The following DOCK1 variants were observed in gnomAD, a reference collection of about 807,000 sequenced individuals.
DOCK1 encodes dedicator of cytokinesis protein 1.
A neutral mutation model predicts 262.7 loss-of-function variants in DOCK1; 138 were observed. That is an observed-to-expected ratio of 0.53 (90% CI 0.46 to 0.61). DOCK1 has a LOEUF of 0.61. Ranked by LOEUF, DOCK1 falls within the 20% of genes least tolerant of loss-of-function variation. The pLI is 0.00. For missense variants in DOCK1, 1,908 were observed against 2,370.7 expected (o/e 0.80, Z 4.05); for synonymous variants, 866 against 867.4 (o/e 1.00, Z 0.03).
intron 27 of DOCK1, among the ~76,000 whole-genome samples, chr10:127,229,841 C>G (rs1434620508): frequency 6.6e-6 from 1 of 152,186 alleles, no homozygotes; most frequent in African/African-American, 2.4e-5. Flanking sequence ...CAAATTTACA[C>G]TCCCATCCAC....
intron 27 of DOCK1, among the ~76,000 whole-genome samples, chr10:127,169,955 T>C (rs988702446): frequency 1.3e-5 from 2 of 152,126 alleles, no homozygotes; most frequent in African/African-American, 2.4e-5. Flanking sequence ...AACACCACCG[T>C]AAGCGGCACC....
At chr10:127,058,026 G>T (rs1409294110) in intron 22 of DOCK1, among the ~76,000 whole-genome samples, 3 of 152,228 alleles carry the variant, frequency 2.0e-5, no homozygotes, top group African/African-American at 7.2e-5. Flanking sequence ...TCAAAAAAGT[G>T]GTTCTCCCTG....
chr10:126,990,485 C>G lies in DOCK1; in HGVS notation c.355C>G (p.Arg119Gly), dbSNP rs765245181. ...TAACAGGGAGATGTTTCGAAGTGTG[C>G]GGCACATGATCTATGACCTTATTGA... is the stretch of plus-strand genomic sequence containing the variant. ...QDNREMFRSV[R>G]HMIYDLIEWR... Residue 119 changes from arginine to glycine, a missense_variant, in exon 6 of 52, where the codon CGG becomes GGG. This residue lies in a region of DOCK1 where 227 missense variants were observed against 254.1 expected (regional missense o/e 0.89). Coordinates refer to ENST00000623213, the MANE Select transcript of DOCK1 (RefSeq NM_001290223.2). The G allele has an allele frequency of 2.5e-6, 4 of 1,611,886 alleles. No individual in the cohort carries two copies. In the Admixed American group the frequency reaches 5.0e-5, roughly 20 times the overall value.
At chr10:126,971,246 T>G (rs1320560687) in intron 2 of DOCK1, among the ~76,000 whole-genome samples, 1 of 151,870 alleles carries the variant, frequency 6.6e-6, no homozygotes, top group Non-Finnish European at 1.5e-5. Context: ...AGAGACTGCA[T>G]TTCACCCTGT....
chr10:126,934,854 C>T (rs2034459040), intron 1 of DOCK1, among the ~76,000 whole-genome samples: 1 of 149,730 alleles, frequency 6.7e-6, no homozygotes, highest in Non-Finnish European at 1.5e-5. Flanking sequence ...CGGTGGCTCA[C>T]GCCTGTAATC....
chr10:127,240,993 T>A (rs530753521), intron 27 of DOCK1, among the ~76,000 whole-genome samples: 2 of 152,314 alleles, frequency 1.3e-5, no homozygotes, highest in East Asian at 3.9e-4. Context: ...GATATGATGA[T>A]CATGAATATA....
chr10:127,157,283 T>C (rs1375106923), intron 27 of DOCK1, among the ~76,000 whole-genome samples: 1 of 152,150 alleles, frequency 6.6e-6, no homozygotes, highest in Non-Finnish European at 1.5e-5. Flanking sequence ...CGTGTTAACA[T>C]CCTGCAGTGG....
At chr10:127,138,629 G>T (rs980582601) in intron 27 of DOCK1, among the ~76,000 whole-genome samples, 1 of 152,118 alleles carries the variant, frequency 6.6e-6, no homozygotes, top group East Asian at 1.9e-4. Context: ...ACGGTACTCC[G>T]CCATTACTAA....
chr10:127,157,121 C>A (rs144648421), intron 27 of DOCK1, among the ~76,000 whole-genome samples: 198 of 152,304 alleles, frequency 1.3e-3, no homozygotes, highest in Non-Finnish European at 2.0e-3. Context: ...ATTTTTGATA[C>A]TGCTGAGTGT....
At chr10:126,941,694 G>C (rs1488029749) in intron 1 of DOCK1, among the ~76,000 whole-genome samples, 1 of 152,102 alleles carries the variant, frequency 6.6e-6, no homozygotes, top group Non-Finnish European at 1.5e-5. Context: ...GGCGGAGCTT[G>C]CAGTGAGCCG....
At chr10:127,185,582 T>C (rs1376115984) in intron 27 of DOCK1, among the ~76,000 whole-genome samples, 1 of 152,174 alleles carries the variant, frequency 6.6e-6, no homozygotes, top group African/African-American at 2.4e-5. Context: ...AGGATGAGTG[T>C]ACAATATTAA....
At chr10:126,908,709 C>G (rs1410580922) in intron 1 of DOCK1, among the ~76,000 whole-genome samples, 1 of 152,176 alleles carries the variant, frequency 6.6e-6, no homozygotes, top group African/African-American at 2.4e-5. Flanking sequence ...GCGTTTCCCC[C>G]TTGGTTTTGA....
At chr10:126,946,295 C>A (rs1407262055) in intron 1 of DOCK1, among the ~76,000 whole-genome samples, 2 of 152,132 alleles carry the variant, frequency 1.3e-5, no homozygotes, top group Non-Finnish European at 2.9e-5. Flanking sequence ...GCCTGTATTC[C>A]TAGCACTTTG....
At chr10:127,427,272 G>T (rs886372090) in intron 47 of DOCK1, among the ~76,000 whole-genome samples, 2 of 152,176 alleles carry the variant, frequency 1.3e-5, no homozygotes, top group African/African-American at 2.4e-5. Flanking sequence ...GGTAACATAC[G>T]GCACTTTCCT....
intron 23 of DOCK1, among the ~76,000 whole-genome samples, chr10:127,061,992 A>G (rs1811595718): frequency 2.4e-5 from 3 of 125,410 alleles, no homozygotes; most frequent in African/African-American, 9.4e-5. Context: ...GCTGGAGTGC[A>G]GTGGTGTGAT....
At chr10:126,971,048 C>CTT (rs375065109) in intron 2 of DOCK1, among the ~76,000 whole-genome samples, 6 of 143,274 alleles carry the variant, frequency 4.2e-5, no homozygotes, top group Admixed American at 7.2e-5. Flanking sequence ...ATGTGTAAAT[C>CTT]TTTTTTTTTT....
chr10:127,151,547 C>G (rs2052482755), intron 27 of DOCK1, among the ~76,000 whole-genome samples: 1 of 152,120 alleles, frequency 6.6e-6, no homozygotes, highest in Non-Finnish European at 1.5e-5. Flanking sequence ...AATGCCTCTC[C>G]CATTTATAAG....
intron 25 of DOCK1, among the ~76,000 whole-genome samples, chr10:127,112,297 C>A (rs144646410): frequency 6.6e-6 from 1 of 152,294 alleles, no homozygotes; most frequent in African/African-American, 2.4e-5. Flanking sequence ...CAGGCGTGAG[C>A]CACCGAGCCT....
At chr10:127,004,705 C>T (rs9418756) in intron 10 of DOCK1, among the ~76,000 whole-genome samples, 23,972 of 148,008 alleles carry the variant, frequency 0.16, 2,212 homozygotes, top group South Asian at 0.32. Flanking sequence ...GAGCCATGAT[C>T]GTGCCATTGT....
Sources: gnomAD v4.1 joint callset for allele counts (sites outside exome capture counted in the v4.1 genomes callset) on GRCh38, gnomAD v4.1.1 for gene constraint, gnomAD v4.1.1 regional missense constraint, MANE v1.5 for transcripts, NCBI Gene and HGNC (gene_info 2026-07-23, HGNC 2026-07-21) for gene names.